Variants in TSPAN4 observed in about 807,000 individuals in gnomAD.
TSPAN4 encodes tetraspanin-4.
In TSPAN4, 38 loss-of-function variants were observed where a neutral mutation model predicts 31.5. That is an observed-to-expected ratio of 1.21 (90% CI 0.93 to 1.58). The LOEUF is 1.58. TSPAN4 is among the 40% of genes most tolerant of loss of function. TSPAN4 has a pLI of 0.00. For missense variants in TSPAN4, 330 were observed against 317.3 expected (o/e 1.04, Z -0.30); for synonymous variants, 186 against 144.6 (o/e 1.29, Z -2.06).
At chr11:852,229 T>G (rs1056742307) in intron 3 of TSPAN4, among the ~76,000 whole-genome samples, 1 of 152,162 alleles carries the variant, frequency 6.6e-6, no homozygotes, top group African/African-American at 2.4e-5. Flanking sequence ...GTTCAAGCGA[T>G]TCTCATGCCT....
chr11:845,159 C>T (rs1847239835), intron 1 of TSPAN4, among the ~76,000 whole-genome samples: 1 of 152,182 alleles, frequency 6.6e-6, no homozygotes. Context: ...TCCCCAGCCT[C>T]GCCCCCACAC....
chr11:851,359 G>A (rs559648588), intron 3 of TSPAN4, among the ~76,000 whole-genome samples: 1 of 152,318 alleles, frequency 6.6e-6, no homozygotes, highest in East Asian at 1.9e-4. Context: ...TGGGAGTCGG[G>A]GGTGTGGCCT....
chr11:854,491 C>T lies in TSPAN4; in HGVS notation c.63+4124C>T, dbSNP rs1363175471. On this transcript the variant is annotated intron_variant, in intron 3 of 8. Transcript: ENST00000397397. Reference sequence around the variant, plus strand: ...AAATGTGGGAGGCCTCTCAGTTCCCCACCACCTGCGCTGATCCCCGGGGAG... The same window carrying T: ...AAATGTGGGAGGCCTCTCAGTTCCCTACCACCTGCGCTGATCCCCGGGGAG... 8.5e-5 allele frequency among the ~76,000 whole-genome samples: 7 copies of T among 82,292 alleles called. No homozygotes were observed. The South Asian group carries it at 2.8e-3, about 33-fold the overall frequency. 54.0% of individuals were successfully genotyped at this position (82,292 alleles called of 152,430 possible).
chr11:851,205 C>T (rs536639328), intron 3 of TSPAN4, among the ~76,000 whole-genome samples: 4 of 152,354 alleles, frequency 2.6e-5, no homozygotes, highest in Admixed American at 2.6e-4. Context: ...CTGTCCCTGG[C>T]TCCTGTGGAG....
intron 8 of TSPAN4, 36 bp downstream of exon 8, chr11:866,037 C>G: frequency 6.2e-7 from 1 of 1,603,580 alleles, no homozygotes; most frequent in Non-Finnish European, 8.5e-7. Flanking sequence ...CCTGCCCCCA[C>G]TTTGTTAGGA....
chr11:843,369 C>T (rs1847083180), intron 1 of TSPAN4: 1 of 152,170 alleles, frequency 6.6e-6, no homozygotes, highest in East Asian at 1.9e-4. Context: ...GGCTGCTCGC[C>T]GTCCCGAGCT....
At chr11:860,278 C>T (rs945042907) in intron 3 of TSPAN4, among the ~76,000 whole-genome samples, 7 of 152,144 alleles carry the variant, frequency 4.6e-5, no homozygotes, top group African/African-American at 1.4e-4. Context: ...CCAGAGGGAC[C>T]GAAGACACCA....
intron 5 of TSPAN4, 156 bp downstream of exon 5, chr11:864,667 A>G (rs1848664348): frequency 2.3e-6 from 2 of 870,616 alleles, no homozygotes; most frequent in African/African-American, 1.7e-5. Context: ...CTGGAGGGGC[A>G]GCGCCAGCGA....
Position 866,727 on chromosome 11 carries a change from C to T in TSPAN4, c.*97C>T, listed in dbSNP as rs1233671420. The T allele has an allele frequency of 2.4e-6, 3 of 1,235,772 alleles. No homozygotes were observed. In the African/African-American group the frequency reaches 4.6e-5, roughly 19 times the overall value. The allele number at this position is 1,235,772 out of a possible 1,614,324, so 76.6% of individuals were successfully genotyped here. A position where few individuals can be genotyped will look rare whatever the true frequency, so the allele number is the denominator to read the frequency against. ...CACCACCAGCCTCGGTGCTCTGCCC[C>T]ATGCTGGGAGGAGGGAGGGAGGGAC... On this transcript the variant is annotated 3_prime_UTR_variant, in exon 9 of 9. Transcript: ENST00000397397.
intron 3 of TSPAN4, among the ~76,000 whole-genome samples, chr11:854,285 C>T (rs1331444020): frequency 2.0e-5 from 3 of 152,136 alleles, no homozygotes; most frequent in African/African-American, 7.2e-5. Context: ...AAGCTCCGGC[C>T]GTCTCCGCAC....
chr11:865,429 C>G, intron 5 of TSPAN4, 84 bp from the exon 6 acceptor site: 2 of 1,133,644 alleles, frequency 1.8e-6, no homozygotes, highest in Admixed American at 4.1e-5. Context: ...AGGAGGGGCC[C>G]AGCTTAGGGG....
intron 3 of TSPAN4, among the ~76,000 whole-genome samples, chr11:861,795 C>T (rs1362064563): frequency 2.0e-5 from 3 of 152,032 alleles, no homozygotes; most frequent in Admixed American, 2.0e-4. Flanking sequence ...GGGGGCATGC[C>T]TGTAATCCCA....
At position 848,997 on chromosome 11, in the gene TSPAN4, G is replaced by A. The variant is rs1001197673; in HGVS notation, c.-17-1291G>A. 1.9e-5 allele frequency: 12 copies of A among 615,920 alleles called. No individual in the cohort carries two copies. In the East Asian group the frequency reaches 3.0e-4, roughly 15 times the overall value. The allele number at this position is 615,920 out of a possible 1,614,324, so 38.2% of individuals were successfully genotyped here. A position where few individuals can be genotyped will look rare whatever the true frequency, so the allele number is the denominator to read the frequency against. On this transcript the variant is annotated intron_variant, in intron 2 of 8. Transcript: ENST00000397397. This position sits in a 1 kb window ranked among gnomAD's most constrained non-coding sequence, Gnocchi z 5.7. ...TACAGGCTGACTTCCAGCCTGGGCT[G>A]GAGCAAAATGAAATTCTGGGCCCCT...
At chr11:864,698 G>C (rs1848666013) in intron 5 of TSPAN4, 187 bp downstream of exon 5, 2 of 694,930 alleles carry the variant, frequency 2.9e-6, no homozygotes, top group Non-Finnish European at 4.8e-6. Context: ...CTGTGCTGTG[G>C]CTCTATAGCG....
At chr11:863,765 C>T (rs952355427) in intron 4 of TSPAN4, 1 of 153,696 alleles carries the variant, frequency 6.5e-6, no homozygotes, top group South Asian at 2.0e-4. Flanking sequence ...CTGGGCCCCC[C>T]AGCTCCTGGA....
At chr11:863,001 C>T (rs890133217) in intron 4 of TSPAN4, 14 of 465,092 alleles carry the variant, frequency 3.0e-5, no homozygotes, top group East Asian at 7.6e-5. Flanking sequence ...CCTCCCCTGA[C>T]GGGACACTGG....
intron 2 of TSPAN4, among the ~76,000 whole-genome samples, chr11:849,202 GC>G (rs1847484223): frequency 6.6e-6 from 1 of 151,950 alleles, no homozygotes; most frequent in African/African-American, 2.4e-5. Context: ...CCAGCCTCCT[GC>G]GGGGCTGCCT....
In TSPAN4 at chr11:848,651, C is replaced by A. The variant is rs1248613612; in HGVS notation, c.-18+1351C>A. ...AGCTGGTCAGCCCTGCCATGGAGCA[C>A]CCCCTTCCCCTCCCTTAGCTTCCTC... On this transcript the variant is annotated intron_variant, in intron 2 of 8. Transcript: ENST00000397397. This position sits in a 1 kb window ranked among gnomAD's most constrained non-coding sequence, Gnocchi z 5.7. 6.6e-6 allele frequency among the ~76,000 whole-genome samples: 1 copy of A among 152,178 alleles called. No homozygotes were observed. The highest frequency in any genetic ancestry group is 1.5e-5 in the Non-Finnish European group (1 of 68,012).
intron 8 of TSPAN4, among the ~76,000 whole-genome samples, 163 bp downstream of exon 8, chr11:866,164 G>A (rs570511211): frequency 6.6e-6 from 1 of 152,310 alleles, no homozygotes; most frequent in East Asian, 1.9e-4. Context: ...GACGGCCTGT[G>A]GGGACAGTGG....
Sources: gnomAD v4.1 joint callset for allele counts (sites outside exome capture counted in the v4.1 genomes callset) on GRCh38, gnomAD v4.1.1 for gene constraint, Gnocchi (gnomAD v3.1) non-coding constraint, MANE v1.5 for transcripts, NCBI Gene and HGNC (gene_info 2026-07-23, HGNC 2026-07-21) for gene names.